The following DDX10 variants were observed in gnomAD, a reference collection of about 807,000 sequenced individuals.
DDX10 encodes the protein DEAD-box helicase 10, also known as probable ATP-dependent RNA helicase DDX10.
Under a neutral mutation model 104.3 loss-of-function variants are expected in DDX10, and 74 were observed. The observed-to-expected ratio is 0.71, with a 90% confidence interval of 0.59 to 0.86. DDX10 has a LOEUF of 0.86. Among genes scored for constraint, DDX10 ranks in the 40% least tolerant of loss-of-function variants. The pLI is 0.00. For synonymous variants in DDX10, 351 were observed against 353.4 expected, an observed-to-expected ratio of 0.99 and a Z score of 0.08; for missense variants, 952 against 1,040.0, an observed-to-expected ratio of 0.92 and a Z score of 1.16.
chr11:108,906,055 G>C lies in DDX10; in HGVS notation c.2305-11818G>C, dbSNP rs1863593164. On this transcript the variant is annotated intron_variant, in intron 16 of 17. Coordinates refer to ENST00000322536, the MANE Select transcript of DDX10 (RefSeq NM_004398.4). ...AACATGAGGTTTGAGTGGGGACACA[G>C]ATCCAAATCATATCATCCATGTTTT... is the stretch of plus-strand genomic sequence containing the variant. 2.0e-5 allele frequency among the ~76,000 whole-genome samples: 3 copies of C among 152,200 alleles called. No individual in the cohort carries two copies. The South Asian group carries it at 6.2e-4, about 31-fold the overall frequency.
intron 16 of DDX10, among the ~76,000 whole-genome samples, chr11:108,861,883 G>A (rs956657822): frequency 2.6e-5 from 4 of 152,096 alleles, no homozygotes; most frequent in South Asian, 2.1e-4. Flanking sequence ...GAAATTAGCT[G>A]GGCATTGCGG....
At chr11:108,893,544 C>T (rs553131266) in intron 16 of DDX10, among the ~76,000 whole-genome samples, 20 of 151,168 alleles carry the variant, frequency 1.3e-4, no homozygotes, top group South Asian at 1.0e-3. Flanking sequence ...AATTATGCAC[C>T]ATGTTTGTGT....
chr11:108,911,481 G>C (rs1223578714), intron 16 of DDX10, among the ~76,000 whole-genome samples: 2 of 149,966 alleles, frequency 1.3e-5, no homozygotes, highest in Admixed American at 6.6e-5. Flanking sequence ...CAGACCTCTT[G>C]TAAGGGCACT....
chr11:108,745,048 TCCCCCTTCCCCCTTCCCC>T (rs2094329702), intron 13 of DDX10, among the ~76,000 whole-genome samples: 1 of 86,986 alleles, frequency 1.1e-5, no homozygotes, highest in Non-Finnish European at 2.3e-5. Flanking sequence ...CCTTCCCCCT[TCCCCCTTCCCCCTTCCCC>T]CTTCCCCCTT....
chr11:108,920,476 C>G (rs1488181356), intron 17 of DDX10: 1 of 151,966 alleles, frequency 6.6e-6, no homozygotes, highest in African/African-American at 2.4e-5. Flanking sequence ...TAAGGGCTTC[C>G]TAGCAGGTTT....
At chr11:108,847,514 A>G (rs1345518369) in intron 15 of DDX10, among the ~76,000 whole-genome samples, 2 of 152,254 alleles carry the variant, frequency 1.3e-5, no homozygotes, top group Non-Finnish European at 2.9e-5. Flanking sequence ...GACTACTTCC[A>G]GAGATGGTAC....
intron 17 of DDX10, among the ~76,000 whole-genome samples, chr11:108,931,949 A>T (rs977681452): frequency 1.3e-5 from 2 of 152,002 alleles, no homozygotes; most frequent in African/African-American, 4.8e-5. Context: ...GTTTTTAGTG[A>T]GCCAACAAAA....
At chr11:108,935,544 A>G (rs1864025818) in intron 17 of DDX10, among the ~76,000 whole-genome samples, 2 of 152,162 alleles carry the variant, frequency 1.3e-5, no homozygotes, top group African/African-American at 4.8e-5. Flanking sequence ...TTTATAAATG[A>G]TATTTCAACA....
In DDX10 at chr11:108,850,487, G is replaced by A. The variant is rs75610153; in HGVS notation, c.2248-1666G>A. 4.4e-3 allele frequency among the ~76,000 whole-genome samples: 664 copies of A among 152,186 alleles called. 6 individuals are homozygous for A. The highest frequency in any genetic ancestry group is 0.027 in the Middle Eastern group (8 of 294). ...GCCATTTTCAGACACTGATGTGTTG[G>A]AGGAAGATCAGTTGTTGAATAATTA... On this transcript the variant is annotated intron_variant, in intron 15 of 17. Transcript: ENST00000322536.
chr11:108,689,283 C>G (rs998805706), intron 7 of DDX10, among the ~76,000 whole-genome samples: 1 of 152,170 alleles, frequency 6.6e-6, no homozygotes, highest in East Asian at 1.9e-4. Flanking sequence ...GCTAACAATA[C>G]TGGAAATGTA....
rs776225826 is a variant in DDX10 at position 108,723,113 on chromosome 11, C to G, written c.1616C>G (p.Ser539Cys). 5 of 1,613,850 alleles carry G rather than the reference C, an allele frequency of 3.1e-6. No individual in the cohort carries two copies. In the Admixed American group the frequency reaches 6.7e-5, roughly 22 times the overall value. ...ADKVIEPRAP[S>C]LTNDEVEEFR... ...AAAGTAATTGAGCCAAGGGCTCCCTCCCTCACCAATGACGAAGTGGAAGAA... is the reference window on the plus strand; with the variant it reads ...AAAGTAATTGAGCCAAGGGCTCCCTGCCTCACCAATGACGAAGTGGAAGAA... Residue 539 changes from serine (S) to cysteine (C), a missense_variant, in exon 13 of 18, where the codon TCC becomes TGC. By Grantham distance (112) the Ser-to-Cys change is moderately radical (BLOSUM62 -1). This residue lies in a region of DDX10 where 533 missense variants were observed against 534.1 expected (regional missense o/e 1.00). Coordinates refer to ENST00000322536, the MANE Select transcript of DDX10 (RefSeq NM_004398.4).
intron 16 of DDX10, among the ~76,000 whole-genome samples, chr11:108,865,383 T>C (rs1702525511): frequency 1.3e-5 from 2 of 152,184 alleles, no homozygotes; most frequent in African/African-American, 2.4e-5. Context: ...GATGAACTAT[T>C]ATCTGTCATT....
chr11:108,905,840 G>A (rs1030491971), intron 16 of DDX10, among the ~76,000 whole-genome samples: 6 of 152,176 alleles, frequency 3.9e-5, no homozygotes, highest in Non-Finnish European at 7.3e-5. Flanking sequence ...GCCTCAAGAA[G>A]CTTCCAGTCA....
intron 13 of DDX10, among the ~76,000 whole-genome samples, chr11:108,741,615 T>C (rs1359644369): frequency 6.6e-6 from 1 of 152,164 alleles, no homozygotes; most frequent in Admixed American, 6.6e-5. Flanking sequence ...ATATTGCTGG[T>C]GTATAGGAAT....
At chr11:108,912,624 C>T (rs563594118) in intron 16 of DDX10, among the ~76,000 whole-genome samples, 1 of 152,292 alleles carries the variant, frequency 6.6e-6, no homozygotes, top group African/African-American at 2.4e-5. Flanking sequence ...GGAACGGTGT[C>T]AGGCAAACTT....
intron 16 of DDX10, among the ~76,000 whole-genome samples, chr11:108,890,401 A>T (rs1591112503): frequency 6.6e-6 from 1 of 152,124 alleles, no homozygotes; most frequent in Admixed American, 6.5e-5. Context: ...AGTAGGATTT[A>T]TCAGTGGTAT....
At chr11:108,769,905 CAT>C (rs1274372983) in intron 13 of DDX10, among the ~76,000 whole-genome samples, 7 of 152,040 alleles carry the variant, frequency 4.6e-5, no homozygotes, top group African/African-American at 1.7e-4. Context: ...AACATGCTAA[CAT>C]AAAATAGTTA....
Position 108,890,515 on chromosome 11 carries a change from C to T in DDX10, c.2305-27358C>T, listed in dbSNP as rs532013583. On this transcript the variant is annotated intron_variant, in intron 16 of 17. Coordinates refer to ENST00000322536, the MANE Select transcript of DDX10 (RefSeq NM_004398.4). ...TAGTGCTGCAGCATCCTCTTTTTCC[C>T]CCATTGCTTCAACATGGTACTTGCT... Among the ~76,000 whole-genome samples, 3 of 151,862 alleles carry T rather than the reference C, an allele frequency of 2.0e-5. No homozygotes were observed. In the South Asian group the frequency reaches 6.2e-4, roughly 32 times the overall value.
At chr11:108,861,481 C>T (rs1272926017) in intron 16 of DDX10, among the ~76,000 whole-genome samples, 10 of 152,134 alleles carry the variant, frequency 6.6e-5, no homozygotes. Flanking sequence ...GAAGGAATTA[C>T]TGCTACATCC....
Sources: allele counts gnomAD v4.1 joint callset (sites outside exome capture counted in the v4.1 genomes callset), GRCh38; gene constraint gnomAD v4.1.1; regional missense constraint gnomAD v4.1.1; transcripts MANE v1.5; gene names NCBI Gene and HGNC (gene_info 2026-07-23, HGNC 2026-07-21).